Variants in CEP170 observed in about 807,000 individuals in gnomAD.
CEP170 encodes the protein centrosomal protein 170.
CEP170 carries 21 observed loss-of-function variants against 151.9 expected under a neutral mutation model. That is an observed-to-expected ratio of 0.14 (90% CI 0.10 to 0.20). The LOEUF is 0.20. Ranked by LOEUF, CEP170 falls within the 10% of genes least tolerant of loss-of-function variation. The probability of loss-of-function intolerance (pLI) is 1.00; values close to 1 mark genes in which losing one functional copy is unlikely to be tolerated. For missense variants in CEP170, 964 were observed against 1,892.9 expected (o/e 0.51, Z 9.11); for synonymous variants, 356 against 648.8 (o/e 0.55, Z 6.86).
At chr1:243,203,442 T>A (rs1473062335) in intron 4 of CEP170, among the ~76,000 whole-genome samples, 1 of 152,174 alleles carries the variant, frequency 6.6e-6, no homozygotes, top group Non-Finnish European at 1.5e-5. Flanking sequence ...ATACTAGTAA[T>A]GTGTTCTTAG....
At chr1:243,187,497 T>C (rs1038603622) in intron 8 of CEP170, among the ~76,000 whole-genome samples, 30 of 152,230 alleles carry the variant, frequency 2.0e-4, no homozygotes, top group African/African-American at 7.2e-4. Context: ...TTTAAACTTC[T>C]TTAGCTATGA....
chr1:243,142,714 T>C (rs2055992989), intron 14 of CEP170, among the ~76,000 whole-genome samples: 1 of 152,216 alleles, frequency 6.6e-6, no homozygotes, highest in South Asian at 2.1e-4. Flanking sequence ...AGTAGAGCTA[T>C]GCCCTTAACA....
At position 243,124,955 on chromosome 1, in the gene CEP170, C is replaced by T. The variant is rs1396963463; in HGVS notation, c.*1494G>A. On this transcript the variant is annotated 3_prime_UTR_variant, in exon 20 of 20. Coordinates refer to ENST00000366542, the MANE Select transcript of CEP170 (RefSeq NM_014812.3). ...TTTACATCTCTATAAAGTTTTTTTG[C>T]ATCTTTATTAATTGATCCAACAATA... 1 of 151,684 alleles carries T rather than the reference C, an allele frequency of 6.6e-6. No individual in the cohort carries two copies. Among genetic ancestry groups the T allele is most frequent in the Non-Finnish European group, 1.5e-5 (1 of 67,888 alleles). The allele number at this position is 151,684 out of a possible 1,614,324, so 9.4% of individuals were successfully genotyped here. A position where few individuals can be genotyped will look rare whatever the true frequency, so the allele number is the denominator to read the frequency against.
intron 14 of CEP170, among the ~76,000 whole-genome samples, chr1:243,153,363 T>G (rs2148436174): frequency 6.6e-6 from 1 of 152,346 alleles, no homozygotes; most frequent in South Asian, 2.1e-4. Flanking sequence ...GAGGACTGAC[T>G]GCAGTTTTGA....
chr1:243,172,868 T>C (rs2058957675), intron 10 of CEP170, 22 bp from the exon 11 acceptor site: 1 of 1,522,050 alleles, frequency 6.6e-7, no homozygotes. Context: ...AATTATTTTA[T>C]AAATGAAAAC....
intron 13 of CEP170, among the ~76,000 whole-genome samples, chr1:243,163,877 T>C (rs201508995): frequency 1.5e-5 from 2 of 133,016 alleles, no homozygotes; most frequent in African/African-American, 5.6e-5. Flanking sequence ...CTTTGAATTA[T>C]GTGAGGATAT....
chr1:243,212,926 A>G (rs560371316), intron 3 of CEP170, among the ~76,000 whole-genome samples: 23 of 152,206 alleles, frequency 1.5e-4, no homozygotes, highest in Non-Finnish European at 3.2e-4. Context: ...TGGCCTCCCA[A>G]AATCCTGGGA....
intron 3 of CEP170, among the ~76,000 whole-genome samples, chr1:243,213,011 G>A (rs2061955124): frequency 6.6e-6 from 1 of 152,098 alleles, no homozygotes; most frequent in South Asian, 2.1e-4. Flanking sequence ...CAAGATAGAG[G>A]TGAGATTAGT....
At chr1:243,237,413 T>C (rs1469920967) in intron 1 of CEP170, among the ~76,000 whole-genome samples, 1 of 152,200 alleles carries the variant, frequency 6.6e-6, no homozygotes, top group Non-Finnish European at 1.5e-5. Flanking sequence ...ATATGGCTAG[T>C]GGCACTCTAG....
chr1:243,138,976 A>G (rs1171357952), intron 16 of CEP170, among the ~76,000 whole-genome samples: 1 of 152,176 alleles, frequency 6.6e-6, no homozygotes, highest in Non-Finnish European at 1.5e-5. Context: ...AATACTTAAC[A>G]TTTTAAGACT....
intron 17 of CEP170, among the ~76,000 whole-genome samples, chr1:243,130,141 C>T (rs2054225071): frequency 6.6e-6 from 1 of 151,872 alleles, no homozygotes; most frequent in Middle Eastern, 3.2e-3. Flanking sequence ...AAAGAAAATG[C>T]AATTTTATTC....
intron 4 of CEP170, among the ~76,000 whole-genome samples, chr1:243,202,276 A>G (rs1236146708): frequency 6.6e-6 from 1 of 152,192 alleles, no homozygotes; most frequent in African/African-American, 2.4e-5. Flanking sequence ...ACAGAGTGGT[A>G]TAATGAACAC....
In CEP170 at chr1:243,186,282, C is replaced by T; in HGVS notation, c.1249G>A (p.Glu417Lys). The change falls in exon 9 of 20, where the codon GAA (glutamate) becomes AAA (lysine). Residue 417 changes from glutamate (E) to lysine (K), a missense_variant. Glu to Lys is a moderately conservative substitution (Grantham distance 56, BLOSUM62 1). Coordinates refer to ENST00000366542, the MANE Select transcript of CEP170 (RefSeq NM_014812.3). ...ACAACAGCTTGGTCTTGATGCTTTTCAGTAGCCTGGACCTTCTGTAGCTTT... is the reference window on the plus strand; with the variant it reads ...ACAACAGCTTGGTCTTGATGCTTTTTAGTAGCCTGGACCTTCTGTAGCTTT... The part of the protein sequence containing the change: ...HKKLQKVQAT[E>K]KHQDQAVTSS... 6.2e-7 allele frequency: 1 copy of T among 1,613,766 alleles called. No homozygotes were observed. The highest frequency in any genetic ancestry group is 1.3e-5 in the African/African-American group (1 of 75,036).
At chr1:243,243,295 C>T (rs2149141502) in intron 1 of CEP170, among the ~76,000 whole-genome samples, 1 of 151,948 alleles carries the variant, frequency 6.6e-6, no homozygotes, top group East Asian at 1.9e-4. Context: ...ACTAAATAGA[C>T]CAACACAGAA....
At chr1:243,226,127 GTA>G (rs1158968681) in intron 1 of CEP170, among the ~76,000 whole-genome samples, 212 of 87,990 alleles carry the variant, frequency 2.4e-3, no homozygotes, top group African/African-American at 7.9e-3. Flanking sequence ...ATATACGTGT[GTA>G]TATATGTGTA....
intron 4 of CEP170, among the ~76,000 whole-genome samples, chr1:243,210,389 T>G (rs933310807): frequency 1.3e-5 from 2 of 152,088 alleles, no homozygotes; most frequent in African/African-American, 4.8e-5. Context: ...CTTAGGCTGG[T>G]AGAAAATGAC....
At chr1:243,150,834 C>G (rs551444904) in intron 14 of CEP170, among the ~76,000 whole-genome samples, 4 of 152,326 alleles carry the variant, frequency 2.6e-5, no homozygotes, top group African/African-American at 7.2e-5. Context: ...CTTGTCGACT[C>G]TCTCAGGTTG....
chr1:243,140,965 A>G (rs1303186570), intron 15 of CEP170, among the ~76,000 whole-genome samples: 2 of 152,214 alleles, frequency 1.3e-5, no homozygotes, highest in Admixed American at 6.5e-5. Context: ...ATCAATAAGG[A>G]TGATTTCATT....
rs181964575 is a variant in CEP170 at position 243,143,500 on chromosome 1, A to G, written c.3912-1037T>C. Among the ~76,000 whole-genome samples, 163 of 152,298 alleles carry G rather than the reference A, an allele frequency of 1.1e-3. 1 individual carries two copies. The highest frequency in any genetic ancestry group is 3.5e-3 in the African/African-American group (147 of 41,556). On this transcript the variant is annotated intron_variant, in intron 14 of 19. Coordinates refer to ENST00000366542, the MANE Select transcript of CEP170 (RefSeq NM_014812.3). ...AGGTGAAAATAGAGATTTTTCTTTT[A>G]GAGTTTTTTTTAAGAGGGACAAACT...
Sources: allele counts gnomAD v4.1 joint callset (sites outside exome capture counted in the v4.1 genomes callset), GRCh38; gene constraint gnomAD v4.1.1; transcripts MANE v1.5; gene names NCBI Gene and HGNC (gene_info 2026-07-23, HGNC 2026-07-21).